Variants in TSBP1 observed in about 807,000 individuals in gnomAD.
The protein encoded by TSBP1 is testis expressed basic protein 1, also known as testis-expressed basic protein 1.
In TSBP1, 56 loss-of-function variants were observed where a neutral mutation model predicts 68.8. The observed-to-expected ratio is 0.81, with a 90% CI of 0.66 to 1.02. The LOEUF is 1.02. Ranked by LOEUF, TSBP1 falls within the 50% of genes least tolerant of loss-of-function variation. The probability of loss-of-function intolerance (pLI) is 0.00; values close to 1 mark genes in which losing one functional copy is unlikely to be tolerated. For synonymous variants in TSBP1, 171 were observed against 208.7 expected (o/e 0.82, Z 1.56); for missense variants, 502 against 641.2 (o/e 0.78, Z 2.34).
At chr6:32,294,141 CTA>C in intron 22 of TSBP1, 106 bp from the exon 26 acceptor site, 1 of 1,389,764 alleles carries the variant, frequency 7.2e-7, no homozygotes, top group Non-Finnish European at 1.0e-6. Flanking sequence ...AACTGACAAA[CTA>C]AAATTTTTCT....
At chr6:32,350,678 T>C (rs1458338303) in intron 8 of TSBP1, among the ~76,000 whole-genome samples, 1 of 152,172 alleles carries the variant, frequency 6.6e-6, no homozygotes, top group Non-Finnish European at 1.5e-5. Flanking sequence ...AAAAAGGGAA[T>C]TAATATTGCA....
rs971297297 is a variant in TSBP1 at position 32,336,303 on chromosome 6, T to C, written c.430+312A>G. ...CCTTGCTGATGGATCATTATGACTA[T>C]TTCTAAGAGGGCTGTTTTGGTTTAT... On this transcript the variant is annotated intron_variant, in intron 12 of 22. Coordinates refer to ENST00000612031, the Ensembl canonical transcript of TSBP1. The surrounding 1 kb of genome is among the most constrained non-coding windows in gnomAD (Gnocchi z 5.2). Among the ~76,000 whole-genome samples, 1 of 152,208 alleles carries C rather than the reference T, an allele frequency of 6.6e-6. No homozygotes were observed. The highest frequency in any genetic ancestry group is 6.5e-5 in the Admixed American group (1 of 15,290).
At chr6:32,323,611 C>G in exon 17 of TSBP1, 4 of 1,612,232 alleles carry the variant, frequency 2.5e-6, no homozygotes, top group Middle Eastern at 1.7e-4. Flanking sequence ...TGAAGGTGGA[C>G]CAGCTGAAAA....
intron 9 of TSBP1, among the ~76,000 whole-genome samples, chr6:32,342,566 G>A (rs1407108901): frequency 6.6e-6 from 1 of 152,174 alleles, no homozygotes; most frequent in African/African-American, 2.4e-5. Flanking sequence ...CAAATAAATA[G>A]TAAGTAGGGA....
At chr6:32,310,950 T>G (rs1358979420) in intron 19 of TSBP1, among the ~76,000 whole-genome samples, 1 of 152,028 alleles carries the variant, frequency 6.6e-6, no homozygotes, top group Non-Finnish European at 1.5e-5. Context: ...TTCCCTCCTA[T>G]CTTATCAAGG....
chr6:32,303,486 A>T (rs9268164), intron 19 of TSBP1, among the ~76,000 whole-genome samples: 37,847 of 151,716 alleles, frequency 0.25, 5,064 homozygotes, highest in African/African-American at 0.33. Context: ...ATGTAGCCAC[A>T]TCTGCCTTTT....
At chr6:32,362,214 G>A (rs552696496) in intron 6 of TSBP1, among the ~76,000 whole-genome samples, 8 of 149,636 alleles carry the variant, frequency 5.3e-5, no homozygotes, top group South Asian at 2.1e-4. Context: ...GCGTGAACCC[G>A]GGAGGCAGAG....
intron 16 of TSBP1, chr6:32,324,341 AT>A: frequency 2.1e-6 from 1 of 466,560 alleles, no homozygotes; most frequent in East Asian, 4.7e-5. Flanking sequence ...CTCTCCTACC[AT>A]TTTTTCCCTT....
In TSBP1 at chr6:32,336,876, C is replaced by A. The variant is rs568965479; in HGVS notation, c.410-241G>T. Among the ~76,000 whole-genome samples, 2 of 152,252 alleles carry A rather than the reference C, an allele frequency of 1.3e-5. No homozygotes were observed. Among genetic ancestry groups the A allele is most frequent in the East Asian group, 3.9e-4 (2 of 5,190 alleles). On this transcript the variant is annotated intron_variant, in intron 11 of 22. Transcript: ENST00000612031. This position sits in a 1 kb window ranked among gnomAD's most constrained non-coding sequence, Gnocchi z 5.2. Reference sequence around the variant, plus strand: ...AAATATAAATAATTAAAATAAACTACAGTTTTAAACATGAATTATTTGGCT... The same window carrying A: ...AAATATAAATAATTAAAATAAACTAAAGTTTTAAACATGAATTATTTGGCT...
Position 32,340,775 on chromosome 6 carries a change from G to A in TSBP1, c.350-1137C>T, listed in dbSNP as rs1770240405. Reference sequence around the variant, plus strand: ...TCCATTCCTGACCTAAAGTAATATGGAATAATGAGGAGAAAGGAATTTTTC... The same window carrying A: ...TCCATTCCTGACCTAAAGTAATATGAAATAATGAGGAGAAAGGAATTTTTC... On this transcript the variant is annotated intron_variant, in intron 9 of 22. Coordinates refer to ENST00000612031, the Ensembl canonical transcript of TSBP1. This position sits in a 1 kb window ranked among gnomAD's most constrained non-coding sequence, Gnocchi z 4.8. Among the ~76,000 whole-genome samples the A allele has an allele frequency of 6.6e-6, 1 of 150,658 alleles. No individual in the cohort carries two copies. The highest frequency in any genetic ancestry group is 2.1e-4 in the South Asian group (1 of 4,716).
rs59880608 is a variant in TSBP1, at chr6:32,352,021, T to C, written c.260-2192A>G. On this transcript the variant is annotated intron_variant, in intron 8 of 22. Transcript: ENST00000612031. ...ATGTTCAATTCTATACCTAGCTAAA[T>C]TTTCATTTAAGGCTGAAGGTGAAGT... 9.0e-3 allele frequency among the ~76,000 whole-genome samples: 1,371 copies of C among 152,172 alleles called. 17 individuals carry two copies. The highest frequency in any genetic ancestry group is 0.03 in the African/African-American group (1,267 of 41,558).
exon 2 of TSBP1, chr6:32,369,946 A>T (rs1315745692): frequency 1.9e-6 from 3 of 1,612,382 alleles, no homozygotes; most frequent in African/African-American, 1.3e-5. Flanking sequence ...CCAGGATGGC[A>T]AGTCCCAGTA....
chr6:32,293,366 G>A, exon 23 of TSBP1: 1 of 1,612,616 alleles, frequency 6.2e-7, no homozygotes, highest in Non-Finnish European at 8.5e-7. Flanking sequence ...TTGTTCCTTT[G>A]GCACATCTGC....
At position 32,306,031 on chromosome 6, in the gene TSBP1, A is replaced by G. The variant is rs561040582; in HGVS notation, c.581-3402T>C. ...AAAAATAATTCTCCATCATAATTAT[A>G]TATTGGCAAGGGTCATAACACATTT... is the stretch of plus-strand genomic sequence containing the variant. On this transcript the variant is annotated intron_variant, in intron 19 of 22. Coordinates refer to ENST00000612031, the Ensembl canonical transcript of TSBP1. The surrounding 1 kb of genome is among the most constrained non-coding windows in gnomAD (Gnocchi z 5.1). Among the ~76,000 whole-genome samples, 4 of 152,332 alleles carry G rather than the reference A, an allele frequency of 2.6e-5. No homozygotes were observed. The highest frequency in any genetic ancestry group is 9.6e-5 in the African/African-American group (4 of 41,576).
intron 19 of TSBP1, among the ~76,000 whole-genome samples, chr6:32,310,016 C>G (rs750275619): frequency 2.1e-4 from 32 of 152,220 alleles, no homozygotes; most frequent in Admixed American, 7.2e-4. Context: ...TGGTTCTATG[C>G]CTGGCTTATT....
rs1773698650 is a variant in TSBP1 at position 32,366,255 on chromosome 6, A to T, written c.196+18T>A. The T allele has an allele frequency of 6.3e-7, 1 of 1,594,504 alleles. No homozygotes were observed. The highest frequency in any genetic ancestry group is 1.4e-5 in the African/African-American group (1 of 73,872). On this transcript the variant is annotated intron_variant, in intron 5 of 22. Transcript: ENST00000612031. Reference sequence around the variant, plus strand: ...AAACAGACTCCTATATTAATTTCTTAGCAATACAATAATTTACCACTTTGT... The same window carrying T: ...AAACAGACTCCTATATTAATTTCTTTGCAATACAATAATTTACCACTTTGT...
chr6:32,362,303 A>G (rs1021492007), intron 6 of TSBP1, among the ~76,000 whole-genome samples: 2 of 151,048 alleles, frequency 1.3e-5, no homozygotes, highest in African/African-American at 2.4e-5. Flanking sequence ...AAAAAAAAAA[A>G]AAGAAGAGGA....
chr6:32,297,422 TATC>T (rs1764827090), intron 22 of TSBP1, among the ~76,000 whole-genome samples: 1 of 152,236 alleles, frequency 6.6e-6, no homozygotes, highest in African/African-American at 2.4e-5. Flanking sequence ...AGCTAAAAGA[TATC>T]ATGAAATAGC....
rs1562196688 is a variant in TSBP1, at chr6:32,365,997, T to G, written c.217+170A>C. 1.0e-6 allele frequency: 1 copy of G among 1,002,624 alleles called. No individual in the cohort carries two copies. The highest frequency in any genetic ancestry group is 1.6e-5 in the African/African-American group (1 of 63,246). 62.1% of individuals were successfully genotyped at this position (1,002,624 alleles called of 1,614,324 possible). Reference sequence around the variant, plus strand: ...AATTGCATAGCTTTGGGGAAAATGGTGCCTCATAGCGTGATGGTGAACATT... The same window carrying G: ...AATTGCATAGCTTTGGGGAAAATGGGGCCTCATAGCGTGATGGTGAACATT... On this transcript the variant is annotated intron_variant, in intron 6 of 22. Transcript: ENST00000612031. This position sits in a 1 kb window ranked among gnomAD's most constrained non-coding sequence, Gnocchi z 4.3.
Sources: allele counts gnomAD v4.1 joint callset (sites outside exome capture counted in the v4.1 genomes callset), GRCh38; gene constraint gnomAD v4.1.1; non-coding constraint Gnocchi (gnomAD v3.1); transcripts MANE v1.5; gene names NCBI Gene and HGNC (gene_info 2026-07-23, HGNC 2026-07-21).